Variants in FBXL3 observed in about 807,000 individuals in gnomAD.
FBXL3 encodes the protein F-box/LRR-repeat protein 3.
Under a neutral mutation model 37.9 loss-of-function variants are expected in FBXL3, and 14 were observed. That is an observed-to-expected ratio of 0.37 (90% CI 0.24 to 0.58). FBXL3 has a LOEUF of 0.58. FBXL3 is among the 20% of genes least tolerant of loss of function. The pLI is 0.74. For synonymous variants in FBXL3, 194 were observed against 180.1 expected (o/e 1.08, Z -0.62); for missense variants, 327 against 511.1 (o/e 0.64, Z 3.47).
intron 4 of FBXL3, chr13:77,015,205 A>G (rs561935252): frequency 5.4e-6 from 2 of 367,094 alleles, no homozygotes; most frequent in East Asian, 4.1e-5. Flanking sequence ...AATTTATCAA[A>G]TAAGATTAGA....
intron 1 of FBXL3, among the ~76,000 whole-genome samples, chr13:77,025,224 A>C (rs987167774): frequency 6.6e-6 from 1 of 152,200 alleles, no homozygotes; most frequent in African/African-American, 2.4e-5. Flanking sequence ...GACTCTAGAA[A>C]TCTAGAGCAC....
At chr13:77,024,949 A>C (rs1245144977) in intron 1 of FBXL3, among the ~76,000 whole-genome samples, 1 of 152,234 alleles carries the variant, frequency 6.6e-6, no homozygotes, top group Non-Finnish European at 1.5e-5. Context: ...TGGACACTTA[A>C]AATTTTAAAT....
chr13:77,025,745 C>T (rs7989931), intron 1 of FBXL3, among the ~76,000 whole-genome samples: 4,687 of 149,370 alleles, frequency 0.031, 128 homozygotes, highest in East Asian at 0.14. Context: ...AGGTGAAGAC[C>T]GGAAGTGAAC....
In FBXL3 at chr13:77,006,971, T is replaced by C. The variant is rs558475664; in HGVS notation, c.*174A>G. The C allele has an allele frequency of 1.0e-4, 143 of 1,408,680 alleles. No homozygotes were observed. The highest frequency in any genetic ancestry group is 1.2e-4 in the Non-Finnish European group (130 of 1,086,270). 87.3% of individuals were successfully genotyped at this position (1,408,680 alleles called of 1,614,324 possible). On this transcript the variant is annotated 3_prime_UTR_variant, in exon 5 of 5. Transcript: ENST00000355619. The stretch of plus-strand genomic sequence containing the variant: ...TATTACACTAAGGAAACAAGTGGAA[T>C]TTTCTGACCAAAACTCATTCATGGG...
Position 77,015,492 on chromosome 13 carries a change from G to A in FBXL3, c.560C>T (p.Pro187Leu), listed in dbSNP as rs1283637983. 6.2e-7 allele frequency: 1 copy of A among 1,607,734 alleles called. No individual in the cohort carries two copies. The highest frequency in any genetic ancestry group is 1.3e-5 in the African/African-American group (1 of 74,516). ...GTTGGCCACTAGTACTTTGAGAGAT[G>A]GATCATCTACTGGAGTATCATCTAT... is the stretch of plus-strand genomic sequence containing the variant. ...LKIDDTPVDD[P>L]SLKVLVANNS... Residue 187 changes from proline (P) to leucine (L), a missense_variant, in exon 4 of 5, where the codon CCA becomes CTA. Coordinates refer to ENST00000355619, the MANE Select transcript of FBXL3 (RefSeq NM_012158.4).
Position 77,018,597 on chromosome 13 carries a change from T to TA in FBXL3, c.471+2dup. 3 of 1,567,328 alleles carry TA rather than the reference T, an allele frequency of 1.9e-6. No individual in the cohort carries two copies. Among genetic ancestry groups the TA allele is most frequent in the Non-Finnish European group, 2.6e-6 (3 of 1,162,716 alleles). ...TAGATAATAAAACAAAAACAGCAGA[T>TA]ACCTTTGGTAAATCCATAAAGCTTG... is the stretch of plus-strand genomic sequence containing the variant. On this transcript the variant is annotated splice_region_variant and intron_variant, in intron 3 of 4. Coordinates refer to ENST00000355619, the MANE Select transcript of FBXL3 (RefSeq NM_012158.4).
chr13:77,020,406 C>T (rs1440639910), intron 2 of FBXL3, among the ~76,000 whole-genome samples: 2 of 152,170 alleles, frequency 1.3e-5, no homozygotes, highest in African/African-American at 4.8e-5. Flanking sequence ...ATTCCCACCA[C>T]CAATTCTCTC....
At chr13:77,019,012 T>C (rs1203939906) in intron 2 of FBXL3, 2 of 233,414 alleles carry the variant, frequency 8.6e-6, no homozygotes, top group African/African-American at 4.5e-5. Context: ...GAGACATATT[T>C]AATGTTGGCT....
chr13:77,012,166 A>T (rs1031682722), intron 4 of FBXL3, among the ~76,000 whole-genome samples: 2 of 152,222 alleles, frequency 1.3e-5, no homozygotes, highest in African/African-American at 4.8e-5. Context: ...AAGCATTCTA[A>T]AATTGTGGTG....
chr13:77,021,437 T>G, intron 2 of FBXL3, 76 bp downstream of exon 2: 25 of 1,099,544 alleles, frequency 2.3e-5, no homozygotes, highest in Non-Finnish European at 2.8e-5. Context: ...TTTAAAGGCA[T>G]GAGAAGATGT....
In FBXL3 at chr13:77,021,814, CCTT is replaced by C; in HGVS notation, c.44_46del (p.Glu15del). 1 of 1,613,512 alleles carries C rather than the reference CCTT, an allele frequency of 6.2e-7. No individual in the cohort carries two copies. The highest frequency in any genetic ancestry group is 8.5e-7 in the Non-Finnish European group (1 of 1,179,944). On this transcript the variant is annotated inframe_deletion, in exon 2 of 5. Coordinates refer to ENST00000355619, the MANE Select transcript of FBXL3 (RefSeq NM_012158.4). ...CAGTTTCTTGGATTTCTCTGCAGTTCCTTCTTCTGATGAATTACGGTCACTATC... is the reference window on the plus strand; with the variant it reads ...CAGTTTCTTGGATTTCTCTGCAGTTCCTTCTGATGAATTACGGTCACTATC...
At chr13:77,012,062 A>G (rs2034564432) in intron 4 of FBXL3, among the ~76,000 whole-genome samples, 4 of 152,214 alleles carry the variant, frequency 2.6e-5, no homozygotes. Flanking sequence ...ATCTACAGAG[A>G]CAGAAAATAG....
At chr13:77,018,421 TAA>T (rs5804888) in intron 3 of FBXL3, 177 bp downstream of exon 3, 54,822 of 290,570 alleles carry the variant, frequency 0.19, 79 homozygotes, top group Middle Eastern at 0.24. Context: ...TATGGTGATT[TAA>T]AAAAAAAAAA....
intron 3 of FBXL3, chr13:77,017,552 C>T (rs1280305406): frequency 1.3e-5 from 2 of 152,038 alleles, no homozygotes; most frequent in Admixed American, 6.5e-5. Context: ...GGATAGAAAT[C>T]CAAAATTTAG....
chr13:77,023,508 T>C (rs185893476), intron 1 of FBXL3, among the ~76,000 whole-genome samples: 39 of 152,318 alleles, frequency 2.6e-4, no homozygotes, highest in African/African-American at 8.4e-4. Flanking sequence ...TCTTCCCTTT[T>C]TATGTTTTAC....
Position 77,007,640 on chromosome 13 carries a change from A to G in FBXL3, c.792T>C (p.Pro264=), listed in dbSNP as rs2034475192. 2 of 1,614,112 alleles carry G rather than the reference A, an allele frequency of 1.2e-6. No homozygotes were observed. Among genetic ancestry groups the G allele is most frequent in the Admixed American group, 3.3e-5 (2 of 60,006 alleles). The change falls in exon 5 of 5, where the codon CCT becomes CCC. Residue 264 remains proline, a synonymous_variant. Coordinates refer to ENST00000355619, the MANE Select transcript of FBXL3 (RefSeq NM_012158.4). ...HLRIDVVSEN[P]GQTHFHTIQK... The stretch of plus-strand genomic sequence containing the variant: ...GAATAGTATGGAAGTGTGTCTGTCC[A>G]GGATTCTCACTGACTACATCAATGC...
At chr13:77,026,423 C>G (rs1311275046) in intron 1 of FBXL3, 1 of 958,670 alleles carries the variant, frequency 1.0e-6, no homozygotes, top group Non-Finnish European at 1.2e-6. Flanking sequence ...CCTCATTGCT[C>G]AAGCTACCAG....
Position 77,007,068 on chromosome 13 carries a change from A to G in FBXL3, c.*77T>C, listed in dbSNP as rs770294696. ...TTCTGTGCCACAAAATAGTAGAATT[A>G]TATCAGAACTACAGCAAATAAAACT... On this transcript the variant is annotated 3_prime_UTR_variant, in exon 5 of 5. Coordinates refer to ENST00000355619, the MANE Select transcript of FBXL3 (RefSeq NM_012158.4). 4.0e-6 allele frequency: 6 copies of G among 1,495,216 alleles called. No homozygotes were observed. The highest frequency in any genetic ancestry group is 4.4e-6 in the Non-Finnish European group (5 of 1,130,592). The allele number at this position is 1,495,216 out of a possible 1,614,324, so 92.6% of individuals were successfully genotyped here.
chr13:77,014,622 A>G (rs958619322), intron 4 of FBXL3: 1 of 152,186 alleles, frequency 6.6e-6, no homozygotes, highest in Non-Finnish European at 1.5e-5. Context: ...GACCTTTGGC[A>G]ATGGCAAGAA....
Sources: allele counts gnomAD v4.1 joint callset (sites outside exome capture counted in the v4.1 genomes callset), GRCh38; gene constraint gnomAD v4.1.1; transcripts MANE v1.5; gene names NCBI Gene and HGNC (gene_info 2026-07-23, HGNC 2026-07-21).